The following CPM variants were observed in gnomAD, a reference collection of about 807,000 sequenced individuals.
CPM encodes the protein carboxypeptidase M, also known as renal carboxypeptidase.
A neutral mutation model predicts 46.4 loss-of-function variants in CPM; 35 were observed. That is an observed-to-expected ratio of 0.75 (90% CI 0.58 to 1.00). CPM has a LOEUF of 1.00. Ranked by LOEUF, CPM falls within the 50% of genes least tolerant of loss-of-function variation. CPM has a pLI of 0.00. For synonymous variants in CPM, 195 were observed against 195.3 expected (o/e 1.00, Z 0.01); for missense variants, 422 against 530.4 (o/e 0.80, Z 2.01).
At chr12:68,918,224 A>G (rs1887888946) in intron 2 of CPM, among the ~76,000 whole-genome samples, 1 of 152,048 alleles carries the variant, frequency 6.6e-6, no homozygotes, top group Non-Finnish European at 1.5e-5. Context: ...CCTCTACTCT[A>G]TCAGACTAAC....
intron 7 of CPM, 33 bp from the exon 8 acceptor site, chr12:68,859,104 C>A (rs139432834): frequency 0.034 from 43,108 of 1,258,270 alleles, 903 homozygotes; most frequent in Non-Finnish European, 0.04. Context: ...AATATTAATA[C>A]CATATTTTAT....
intron 2 of CPM, among the ~76,000 whole-genome samples, chr12:68,918,640 T>TCCAACCCAAC (rs1345513037): frequency 3.9e-5 from 6 of 152,016 alleles, no homozygotes; most frequent in African/African-American, 1.5e-4. Flanking sequence ...TCCAATCCAA[T>TCCAACCCAAC]CCAACCCAAC....
chr12:68,863,636 A>G (rs777195866), intron 7 of CPM, among the ~76,000 whole-genome samples: 1 of 152,190 alleles, frequency 6.6e-6, no homozygotes, highest in Non-Finnish European at 1.5e-5. Context: ...AGATTCAGAC[A>G]AGTGCTTGCT....
intron 2 of CPM, among the ~76,000 whole-genome samples, chr12:68,916,126 G>A (rs1230792348): frequency 6.6e-6 from 1 of 152,070 alleles, no homozygotes; most frequent in East Asian, 1.9e-4. Flanking sequence ...AAATATAAGT[G>A]GTTGTAATTC....
At chr12:68,869,213 G>T in intron 6 of CPM, 112 bp downstream of exon 6, 1 of 827,054 alleles carries the variant, frequency 1.2e-6, no homozygotes, top group Non-Finnish European at 1.9e-6. Context: ...AGGACAGAGT[G>T]AAGGGCCTAT....
chr12:68,911,768 T>C (rs1006617989), intron 2 of CPM, among the ~76,000 whole-genome samples: 5 of 152,206 alleles, frequency 3.3e-5, no homozygotes, highest in Admixed American at 2.0e-4. Context: ...GGTAGAACTA[T>C]TATTTCTATT....
At chr12:68,866,075 C>T (rs1885429178) in intron 7 of CPM, among the ~76,000 whole-genome samples, 1 of 152,134 alleles carries the variant, frequency 6.6e-6, no homozygotes, top group African/African-American at 2.4e-5. Flanking sequence ...ATTTCTAGCA[C>T]CAGGACATCT....
chr12:68,948,727 G>A (rs1165544575), intron 1 of CPM, among the ~76,000 whole-genome samples: 1 of 152,174 alleles, frequency 6.6e-6, no homozygotes, highest in Non-Finnish European at 1.5e-5. Flanking sequence ...GCAATTAAGG[G>A]TAATTCAGTA....
intron 1 of CPM, among the ~76,000 whole-genome samples, chr12:68,957,895 A>G (rs1358867321): frequency 6.8e-6 from 1 of 147,946 alleles, no homozygotes; most frequent in East Asian, 2.0e-4. Context: ...CCTGTGTCCA[A>G]GTGTTCTCAT....
At chr12:68,871,760 A>G (rs768695477) in intron 4 of CPM, 24 bp downstream of exon 4, 4 of 1,613,500 alleles carry the variant, frequency 2.5e-6, no homozygotes, top group Non-Finnish European at 3.4e-6. Context: ...GTTTTCAAGT[A>G]AAGATAGACC....
At chr12:68,883,670 G>A (rs980322279) in intron 3 of CPM, among the ~76,000 whole-genome samples, 6 of 152,094 alleles carry the variant, frequency 3.9e-5, no homozygotes, top group Non-Finnish European at 5.9e-5. Flanking sequence ...GGTAGGGGAC[G>A]GAAAGGACTC....
intron 2 of CPM, among the ~76,000 whole-genome samples, chr12:68,931,633 T>C (rs1888502874): frequency 6.6e-6 from 1 of 151,006 alleles, no homozygotes; most frequent in African/African-American, 2.4e-5. Context: ...TAATCCCAGC[T>C]ACTCGGGAGA....
upstream of CPM, among the ~76,000 whole-genome samples, chr12:68,935,389 T>C (rs550152820): frequency 1.8e-4 from 27 of 152,284 alleles, no homozygotes; most frequent in African/African-American, 5.1e-4. Context: ...GCCTCTAACG[T>C]ACCTGGGATT....
At chr12:68,960,461 A>G (rs79425160) in intron 1 of CPM, among the ~76,000 whole-genome samples, 2,040 of 152,328 alleles carry the variant, frequency 0.013, 33 homozygotes, top group African/African-American at 0.047. Flanking sequence ...TTCTAGTGTT[A>G]GTATTGCAGT....
intron 7 of CPM, among the ~76,000 whole-genome samples, chr12:68,864,518 A>G (rs1885349929): frequency 6.6e-6 from 1 of 152,226 alleles, no homozygotes; most frequent in South Asian, 2.1e-4. Flanking sequence ...TAATAGGTAT[A>G]CTGCAATTTA....
At position 68,855,959 on chromosome 12, in the gene CPM, A is replaced by G. The variant is rs1144947; in HGVS notation, c.*478T>C. 1 allele frequency: 156,862 copies of G among 156,944 alleles called. 78,390 individuals carry two copies. Among genetic ancestry groups the G allele is most frequent in the Middle Eastern group, 1 (302 of 302 alleles). The allele number at this position is 156,944 out of a possible 1,614,324, so 9.7% of individuals were successfully genotyped here. A position where few individuals can be genotyped will look rare whatever the true frequency, so the allele number is the denominator to read the frequency against. The stretch of plus-strand genomic sequence containing the variant: ...TTGGTCAGGCTGGTTTTGAACTCCT[A>G]ACCTCAGGGTGATCCGCCCACCTTG... On this transcript the variant is annotated 3_prime_UTR_variant, in exon 9 of 9. Coordinates refer to ENST00000551568, the MANE Select transcript of CPM (RefSeq NM_198320.5).
chr12:68,913,923 T>C, intron 2 of CPM: 2 of 717,302 alleles, frequency 2.8e-6, no homozygotes, highest in East Asian at 2.6e-5. Flanking sequence ...GAATTTACAG[T>C]CACATGACCT....
chr12:68,925,632 G>A (rs1409557112), intron 2 of CPM, among the ~76,000 whole-genome samples: 1 of 152,144 alleles, frequency 6.6e-6, no homozygotes, highest in African/African-American at 2.4e-5. Context: ...TTGACTCAGG[G>A]GGGTAAAAAG....
chr12:68,928,672 G>A (rs1888371194), intron 2 of CPM, among the ~76,000 whole-genome samples: 1 of 152,068 alleles, frequency 6.6e-6, no homozygotes, highest in South Asian at 2.1e-4. Flanking sequence ...TAGTAAGGAA[G>A]GTGTTATTAT....
Sources: gnomAD v4.1 joint callset for allele counts (sites outside exome capture counted in the v4.1 genomes callset) on GRCh38, gnomAD v4.1.1 for gene constraint, MANE v1.5 for transcripts, NCBI Gene and HGNC (gene_info 2026-07-23, HGNC 2026-07-21) for gene names.